Variants in SLC35D4 observed in about 807,000 individuals in gnomAD.
SLC35D4 encodes the protein solute carrier family 35 member D4.
At chr18:23,297,525 T>C in the SLC35D4 span, 2 of 128,918 alleles carry the variant, frequency 1.6e-5, no homozygotes, top group African/African-American at 2.9e-5. Context: ...CTCTAAAAAA[T>C]AATAATAAAT....
the SLC35D4 span, among the ~76,000 whole-genome samples, chr18:23,368,193 G>A: frequency 1.6e-4 from 25 of 152,284 alleles, no homozygotes; most frequent in South Asian, 1.9e-3. Flanking sequence ...TCTGACTCCC[G>A]GTTGCCAATG....
the SLC35D4 span, among the ~76,000 whole-genome samples, chr18:23,244,347 G>A: frequency 6.6e-6 from 1 of 152,206 alleles, no homozygotes; most frequent in Non-Finnish European, 1.5e-5. Context: ...GTTCCTCTCC[G>A]TGTGCAAACC....
the SLC35D4 span, among the ~76,000 whole-genome samples, chr18:23,435,191 A>G: frequency 1.3e-5 from 2 of 151,924 alleles, no homozygotes; most frequent in African/African-American, 4.8e-5. Context: ...AAAGAAAGAA[A>G]GAAAATGTAC....
chr18:23,383,587 G>A, the SLC35D4 span, among the ~76,000 whole-genome samples: 1 of 152,118 alleles, frequency 6.6e-6, no homozygotes, highest in African/African-American at 2.4e-5. Context: ...GCCCAGCCCT[G>A]AGGCCTGTGG....
At chr18:23,337,847 GGA>G in the SLC35D4 span, among the ~76,000 whole-genome samples, 2 of 152,214 alleles carry the variant, frequency 1.3e-5, no homozygotes, top group Non-Finnish European at 2.9e-5. Context: ...AAAAATAGCA[GGA>G]GAGATAGGAA....
the SLC35D4 span, among the ~76,000 whole-genome samples, chr18:23,408,794 G>A: frequency 2.0e-5 from 3 of 148,168 alleles, no homozygotes; most frequent in African/African-American, 7.5e-5. Context: ...GGTAGTTATT[G>A]TGCTTTCTAT....
At chr18:23,308,074 C>G in the SLC35D4 span, among the ~76,000 whole-genome samples, 1 of 152,210 alleles carries the variant, frequency 6.6e-6, no homozygotes, top group East Asian at 1.9e-4. Flanking sequence ...ACAGTCAGAA[C>G]TGTCAGGGAG....
the SLC35D4 span, among the ~76,000 whole-genome samples, chr18:23,288,824 T>G: frequency 3.9e-5 from 6 of 152,268 alleles, no homozygotes; most frequent in African/African-American, 1.4e-4. Context: ...AGTGAAACCT[T>G]TATATCCCTT....
the SLC35D4 span, among the ~76,000 whole-genome samples, chr18:23,412,085 C>T: frequency 6.6e-6 from 1 of 151,940 alleles, no homozygotes; most frequent in Non-Finnish European, 1.5e-5. Context: ...TTTGGGAGGC[C>T]GAGGCGGGAG....
chr18:23,334,280 T>C, the SLC35D4 span, among the ~76,000 whole-genome samples: 12 of 152,280 alleles, frequency 7.9e-5, no homozygotes, highest in South Asian at 1.0e-3. Context: ...AGAATTCTTC[T>C]TGGACACAGA....
chr18:23,345,872 T>C, the SLC35D4 span, among the ~76,000 whole-genome samples: 4 of 152,236 alleles, frequency 2.6e-5, no homozygotes, highest in Non-Finnish European at 5.9e-5. Context: ...ATAAATGTGA[T>C]ACTTCTTTGT....
chr18:23,392,201 G>A, the SLC35D4 span, among the ~76,000 whole-genome samples: 2 of 151,940 alleles, frequency 1.3e-5, no homozygotes, highest in Non-Finnish European at 2.9e-5. Context: ...GCCTCCCAAA[G>A]TGCTAGGATT....
chr18:23,368,679 A>G, the SLC35D4 span: 24 of 1,215,888 alleles, frequency 2.0e-5, no homozygotes, highest in East Asian at 6.0e-4. Flanking sequence ...CCATTAGGAT[A>G]TGAATTGTTC....
chr18:23,400,584 G>A, the SLC35D4 span, among the ~76,000 whole-genome samples: 1 of 152,188 alleles, frequency 6.6e-6, no homozygotes, highest in African/African-American at 2.4e-5. Flanking sequence ...CCAAGATCAC[G>A]CCACTGCAAT....
the SLC35D4 span, among the ~76,000 whole-genome samples, chr18:23,392,240 T>G: frequency 6.6e-6 from 1 of 152,268 alleles, no homozygotes; most frequent in East Asian, 1.9e-4. Flanking sequence ...GCTGGCCCTT[T>G]TACTTAGATT....
At chr18:23,323,265 A>G in the SLC35D4 span, among the ~76,000 whole-genome samples, 1 of 152,228 alleles carries the variant, frequency 6.6e-6, no homozygotes, top group African/African-American at 2.4e-5. Flanking sequence ...AATAACTTCA[A>G]TTCACACTAC....
At chr18:23,309,478 T>C in the SLC35D4 span, among the ~76,000 whole-genome samples, 2 of 152,146 alleles carry the variant, frequency 1.3e-5, no homozygotes, top group South Asian at 4.2e-4. Context: ...TTATGATATA[T>C]GCACTCTTCC....
At chr18:23,402,964 G>GGCATGGTGGCCCA in the SLC35D4 span, among the ~76,000 whole-genome samples, 13 of 152,048 alleles carry the variant, frequency 8.5e-5, no homozygotes, top group Non-Finnish European at 1.8e-4. Flanking sequence ...AAATTAGCTG[G>GGCATGGTGGCCCA]GTAAAGTGGT....
chr18:23,389,369 C>T, the SLC35D4 span, among the ~76,000 whole-genome samples: 51 of 152,228 alleles, frequency 3.4e-4, no homozygotes, highest in African/African-American at 1.1e-3. Context: ...CAGAGTAAAC[C>T]TATGCCTTTT....
Sources: allele counts gnomAD v4.1 joint callset (sites outside exome capture counted in the v4.1 genomes callset), GRCh38; gene constraint gnomAD v4.1.1; transcripts MANE v1.5; gene names NCBI Gene and HGNC (gene_info 2026-07-23, HGNC 2026-07-21).